LSAMP: variants seen among roughly 807,000 people sequenced by gnomAD.
The protein encoded by LSAMP is limbic system associated membrane protein.
Under a neutral mutation model 38.6 loss-of-function variants are expected in LSAMP, and 7 were observed. The ratio of observed to expected loss-of-function variants is 0.18; its 90% CI spans 0.10 to 0.34. The LOEUF (loss-of-function observed/expected upper bound fraction) is 0.34. Among genes scored for constraint, LSAMP ranks in the 10% least tolerant of loss-of-function variants. The probability of loss-of-function intolerance (pLI) is 1.00; values close to 1 mark genes in which losing one functional copy is unlikely to be tolerated. For missense variants in LSAMP, 313 were observed against 420.0 expected (o/e 0.75, Z 2.23); for synonymous variants, 154 against 166.8 (o/e 0.92, Z 0.59).
intron 1 of LSAMP, among the ~76,000 whole-genome samples, chr3:116,208,828 T>C (rs6764308): frequency 0.61 from 92,435 of 152,014 alleles, 28,766 homozygotes; most frequent in East Asian, 0.76. Flanking sequence ...ACATTTAAGT[T>C]TGCAGAGTTT....
intron 1 of LSAMP, among the ~76,000 whole-genome samples, chr3:116,412,108 T>G (rs557195409): frequency 6.6e-6 from 1 of 152,192 alleles, no homozygotes; most frequent in South Asian, 2.1e-4. Flanking sequence ...GGCAGTTATA[T>G]TGCTGATACC....
chr3:116,196,018 G>T (rs1368887898), intron 1 of LSAMP, among the ~76,000 whole-genome samples: 1 of 152,188 alleles, frequency 6.6e-6, no homozygotes, highest in Non-Finnish European at 1.5e-5. Context: ...GTAATTGTTT[G>T]ATAGTTAGTG....
chr3:116,321,250 G>C (rs2047701876), intron 1 of LSAMP, among the ~76,000 whole-genome samples: 1 of 152,104 alleles, frequency 6.6e-6, no homozygotes, highest in Non-Finnish European at 1.5e-5. Context: ...GTGCATGCCT[G>C]TGGTCCCAGC....
At chr3:116,291,274 G>C (rs1239905465) in intron 1 of LSAMP, among the ~76,000 whole-genome samples, 1 of 152,154 alleles carries the variant, frequency 6.6e-6, no homozygotes. Flanking sequence ...TTTTCTGGGA[G>C]TATAGCTAGG....
intron 3 of LSAMP, among the ~76,000 whole-genome samples, chr3:115,932,731 G>A (rs2107543440): frequency 6.6e-6 from 1 of 151,256 alleles, no homozygotes; most frequent in East Asian, 1.9e-4. Flanking sequence ...TTTCCAACAT[G>A]GTAGTCATTT....
At chr3:116,229,836 G>T (rs1017651189) in intron 1 of LSAMP, among the ~76,000 whole-genome samples, 2 of 152,050 alleles carry the variant, frequency 1.3e-5, no homozygotes, top group Admixed American at 1.3e-4. Context: ...GATTGTACAG[G>T]GGGCACAGTT....
At chr3:115,866,304 A>G (rs1174698841) in intron 3 of LSAMP, among the ~76,000 whole-genome samples, 2 of 152,118 alleles carry the variant, frequency 1.3e-5, no homozygotes, top group African/African-American at 4.8e-5. Context: ...TGGAACTCCA[A>G]AAAAGCCTGG....
chr3:116,309,938 C>T (rs1396032910), intron 1 of LSAMP, among the ~76,000 whole-genome samples: 2 of 152,114 alleles, frequency 1.3e-5, no homozygotes, highest in Non-Finnish European at 2.9e-5. Flanking sequence ...TTTCCATGGT[C>T]AACCTTTTTT....
At chr3:116,369,726 A>G (rs916297478) in intron 1 of LSAMP, 1 of 152,444 alleles carries the variant, frequency 6.6e-6, no homozygotes, top group Non-Finnish European at 1.5e-5. Flanking sequence ...CCCAGCTCAG[A>G]ATATAAATAA....
intron 3 of LSAMP, among the ~76,000 whole-genome samples, chr3:116,001,062 C>G (rs1253867269): frequency 1.3e-5 from 2 of 152,044 alleles, no homozygotes; most frequent in Non-Finnish European, 2.9e-5. Context: ...GTGCTCATCA[C>G]CTAGAAATAT....
At chr3:116,060,217 G>C (rs1434110528) in intron 2 of LSAMP, among the ~76,000 whole-genome samples, 3 of 124,596 alleles carry the variant, frequency 2.4e-5, no homozygotes, top group Non-Finnish European at 4.5e-5. Flanking sequence ...TTTTTTACTA[G>C]CAGCATTGTA....
chr3:116,000,138 G>C (rs1387233974), intron 3 of LSAMP, among the ~76,000 whole-genome samples: 1 of 152,082 alleles, frequency 6.6e-6, no homozygotes, highest in African/African-American at 2.4e-5. Flanking sequence ...CTTGGTATTA[G>C]GGACTTTGGG....
chr3:116,005,040 C>CAGT (rs1050503777), intron 3 of LSAMP, among the ~76,000 whole-genome samples: 3 of 151,884 alleles, frequency 2.0e-5, no homozygotes, highest in South Asian at 2.1e-4. Context: ...GTAATAGTAG[C>CAGT]AGTAGTAGTA....
intron 1 of LSAMP, among the ~76,000 whole-genome samples, chr3:116,276,170 G>T (rs1003682388): frequency 1.5e-4 from 23 of 152,168 alleles, no homozygotes; most frequent in African/African-American, 5.1e-4. Context: ...TTGTGAAAAG[G>T]TGCAAAGAGA....
At chr3:116,036,303 T>C (rs1941044264) in intron 2 of LSAMP, among the ~76,000 whole-genome samples, 1 of 152,180 alleles carries the variant, frequency 6.6e-6, no homozygotes, top group Admixed American at 6.6e-5. Flanking sequence ...ATGGAGACTT[T>C]GGATGTTAAT....
intron 2 of LSAMP, among the ~76,000 whole-genome samples, chr3:116,044,266 G>C (rs891162324): frequency 2.6e-5 from 4 of 152,270 alleles, no homozygotes; most frequent in Non-Finnish European, 2.9e-5. Context: ...AAAGCTCAGC[G>C]TTATTTCCCC....
At chr3:116,075,169 G>T (rs1707710451) in intron 2 of LSAMP, among the ~76,000 whole-genome samples, 3 of 112,250 alleles carry the variant, frequency 2.7e-5, no homozygotes, top group Admixed American at 1.1e-4. Context: ...AGAGAGTCTT[G>T]CTCTGTTGCC....
At chr3:116,190,850 A>G (rs1243079106) in intron 1 of LSAMP, among the ~76,000 whole-genome samples, 1 of 152,104 alleles carries the variant, frequency 6.6e-6, no homozygotes, top group Admixed American at 6.5e-5. Context: ...AAGAACAAAG[A>G]ACCACTGGTC....
chr3:116,090,168 T>A (rs1708087488), intron 1 of LSAMP, among the ~76,000 whole-genome samples: 1 of 144,292 alleles, frequency 6.9e-6, no homozygotes, highest in African/African-American at 2.6e-5. Flanking sequence ...TGAGCTATGA[T>A]CACATCACTG....
Sources: gnomAD v4.1 joint callset for allele counts (sites outside exome capture counted in the v4.1 genomes callset) on GRCh38, gnomAD v4.1.1 for gene constraint, MANE v1.5 for transcripts, NCBI Gene and HGNC (gene_info 2026-07-23, HGNC 2026-07-21) for gene names.